The following NUS1 variants were observed in gnomAD, a reference collection of about 807,000 sequenced individuals.
The protein encoded by NUS1 is dehydrodolichyl diphosphate synthase complex subunit NUS1.
For synonymous variants in NUS1, 135 were observed against 155.2 expected (o/e 0.87, Z 0.97); for missense variants, 292 against 382.9 (o/e 0.76, Z 1.98).
At chr6:117,703,525 C>A in intron 3 of NUS1, 80 bp from the exon 4 acceptor site, 1 of 1,050,432 alleles carries the variant, frequency 9.5e-7, no homozygotes, top group Non-Finnish European at 1.5e-6. Context: ...TACATTTTGC[C>A]CATGATCTGT....
intron 1 of NUS1, among the ~76,000 whole-genome samples, chr6:117,686,208 C>T (rs181015769): frequency 2.8e-4 from 43 of 151,646 alleles, no homozygotes; most frequent in Non-Finnish European, 4.1e-4. Context: ...TGCAGTGAGC[C>T]GAGATCGCGC....
intron 4 of NUS1, among the ~76,000 whole-genome samples, chr6:117,706,004 C>T (rs1193425354): frequency 2.0e-5 from 3 of 152,080 alleles, no homozygotes; most frequent in Admixed American, 1.3e-4. Context: ...TTTGTTCACT[C>T]TTTTTTTGTG....
chr6:117,685,142 A>G (rs1190299606), intron 1 of NUS1, among the ~76,000 whole-genome samples: 1 of 151,868 alleles, frequency 6.6e-6, no homozygotes, highest in Non-Finnish European at 1.5e-5. Context: ...TTTGGCCCCC[A>G]AAATGCATAC....
intron 3 of NUS1, 68 bp from the exon 4 acceptor site, chr6:117,703,537 T>G: frequency 8.9e-7 from 1 of 1,128,712 alleles, no homozygotes; most frequent in Non-Finnish European, 1.3e-6. Flanking sequence ...ATGATCTGTG[T>G]GTTTCTGTGT....
chr6:117,676,164 G>A, intron 1 of NUS1, 79 bp downstream of exon 1: 1 of 1,541,178 alleles, frequency 6.5e-7, no homozygotes, highest in South Asian at 1.2e-5. Flanking sequence ...TGGTGCCCAT[G>A]GCACGAGTTG....
chr6:117,676,184 C>G, intron 1 of NUS1, 99 bp downstream of exon 1: 7 of 1,521,988 alleles, frequency 4.6e-6, no homozygotes, highest in Non-Finnish European at 6.2e-6. Flanking sequence ...GCCGCGGCCT[C>G]TCTGCAAATC....
In NUS1 at chr6:117,707,187, GTGCACGTGCACACA is replaced by G. The variant is rs1773513194; in HGVS notation, c.*175_*188del. On this transcript the variant is annotated 3_prime_UTR_variant, in exon 5 of 5. Coordinates refer to ENST00000368494, the MANE Select transcript of NUS1 (RefSeq NM_138459.5). ...TGAGAGTGAGTGTGTGTGTGTGCGTGTGCACGTGCACACATGTGCACGTTTGTATGTATGGAAAT... is the reference window on the plus strand; with the variant it reads ...TGAGAGTGAGTGTGTGTGTGTGCGTGTGTGCACGTTTGTATGTATGGAAAT... 1 of 595,068 alleles carries G rather than the reference GTGCACGTGCACACA, an allele frequency of 1.7e-6. No homozygotes were observed. The highest frequency in any genetic ancestry group is 1.9e-5 in the South Asian group (1 of 53,976). 36.9% of individuals were successfully genotyped at this position (595,068 alleles called of 1,614,324 possible). A position where few individuals can be genotyped will look rare whatever the true frequency, so the allele number is the denominator to read the frequency against.
intron 3 of NUS1, among the ~76,000 whole-genome samples, chr6:117,695,258 T>A (rs1199990297): frequency 6.6e-6 from 1 of 151,414 alleles, no homozygotes; most frequent in South Asian, 2.1e-4. Flanking sequence ...ACTTATTTAC[T>A]TAACTCTCCA....
intron 3 of NUS1, among the ~76,000 whole-genome samples, chr6:117,698,859 A>G (rs1435192698): frequency 6.6e-6 from 1 of 152,200 alleles, no homozygotes; most frequent in South Asian, 2.1e-4. Flanking sequence ...ATGGTTGAAC[A>G]TACACAAATC....
At chr6:117,696,428 A>T (rs1773321298) in intron 3 of NUS1, among the ~76,000 whole-genome samples, 1 of 152,156 alleles carries the variant, frequency 6.6e-6, no homozygotes. Flanking sequence ...TAGAACACCA[A>T]GCAGATTTAA....
chr6:117,680,754 A>G (rs772636084), intron 1 of NUS1, among the ~76,000 whole-genome samples: 1 of 152,354 alleles, frequency 6.6e-6, no homozygotes, highest in Non-Finnish European at 1.5e-5. Context: ...ATTTGGGGTA[A>G]GCCTTAGGAT....
intron 1 of NUS1, among the ~76,000 whole-genome samples, chr6:117,687,779 A>G (rs1773161634): frequency 6.6e-6 from 1 of 152,254 alleles, no homozygotes; most frequent in Admixed American, 6.5e-5. Flanking sequence ...TGGGCTGAGC[A>G]GTTCGTTCTT....
At chr6:117,682,183 C>T (rs750886530) in intron 1 of NUS1, among the ~76,000 whole-genome samples, 3 of 152,186 alleles carry the variant, frequency 2.0e-5, no homozygotes, top group African/African-American at 2.4e-5. Context: ...TAGCCTCTCT[C>T]GACTGTTCCA....
Position 117,706,612 on chromosome 6 carries a change from T to G in NUS1, c.792-313T>G, listed in dbSNP as rs1205298968. On this transcript the variant is annotated intron_variant, in intron 4 of 4. Transcript: ENST00000368494. ...AATCTTAGTAGAATTGTTTGGCATA[T>G]TCTGCTTATAATTTACCCTCAGAGC... is the stretch of plus-strand genomic sequence containing the variant. 3.3e-5 allele frequency among the ~76,000 whole-genome samples: 5 copies of G among 152,320 alleles called. No individual in the cohort carries two copies. In the South Asian group the frequency reaches 1.0e-3, roughly 32 times the overall value.
Position 117,675,494 on chromosome 6 carries a change from G to A in NUS1, c.-177G>A, listed in dbSNP as rs1772954286. On this transcript the variant is annotated 5_prime_UTR_variant, in exon 1 of 5. Transcript: ENST00000368494. ...GTACTACTGGGGGCGGGGCTGCCAAGGGAGGAGGAAGATGGCGGCGGGGGC... is the reference window on the plus strand; with the variant it reads ...GTACTACTGGGGGCGGGGCTGCCAAAGGAGGAGGAAGATGGCGGCGGGGGC... The A allele has an allele frequency of 4.7e-6, 3 of 642,894 alleles. No homozygotes were observed. The highest frequency in any genetic ancestry group is 3.8e-5 in the South Asian group (2 of 53,324). 39.8% of individuals were successfully genotyped at this position (642,894 alleles called of 1,614,324 possible). A position where few individuals can be genotyped will look rare whatever the true frequency, so the allele number is the denominator to read the frequency against.
At chr6:117,679,711 C>A (rs1336400578) in intron 1 of NUS1, among the ~76,000 whole-genome samples, 1 of 152,200 alleles carries the variant, frequency 6.6e-6, no homozygotes, top group Non-Finnish European at 1.5e-5. Context: ...AGTTAACTAA[C>A]TTCCCCCAGA....
At chr6:117,703,221 A>C (rs1773436436) in intron 3 of NUS1, among the ~76,000 whole-genome samples, 1 of 152,190 alleles carries the variant, frequency 6.6e-6, no homozygotes, top group Non-Finnish European at 1.5e-5. Flanking sequence ...GGCCAGAATC[A>C]AGCAGTCACA....
intron 2 of NUS1, among the ~76,000 whole-genome samples, chr6:117,693,765 G>A (rs1414757746): frequency 1.3e-5 from 2 of 152,172 alleles, no homozygotes; most frequent in Non-Finnish European, 2.9e-5. Flanking sequence ...TCTAGAGGAT[G>A]TAGTCACAAT....
At chr6:117,701,060 G>A (rs1308924993) in intron 3 of NUS1, among the ~76,000 whole-genome samples, 1 of 150,280 alleles carries the variant, frequency 6.7e-6, no homozygotes, top group Admixed American at 6.6e-5. Flanking sequence ...TGTCTATTCA[G>A]GGTCCTTTGC....
Sources: allele counts gnomAD v4.1 joint callset (sites outside exome capture counted in the v4.1 genomes callset), GRCh38; gene constraint gnomAD v4.1.1; transcripts MANE v1.5; gene names NCBI Gene and HGNC (gene_info 2026-07-23, HGNC 2026-07-21).